Variants in TXLNA observed in about 807,000 individuals in gnomAD.
TXLNA encodes the protein alpha-taxilin.
A neutral mutation model predicts 61.4 loss-of-function variants in TXLNA; 9 were observed. The observed-to-expected ratio is 0.15, with a 90% CI of 0.09 to 0.26. The LOEUF is 0.26. Among genes scored for constraint, TXLNA ranks in the 10% least tolerant of loss-of-function variants. The pLI is 1.00. For synonymous variants in TXLNA, 257 were observed against 267.7 expected, an observed-to-expected ratio of 0.96 and a Z score of 0.39; for missense variants, 565 against 688.8, an observed-to-expected ratio of 0.82 and a Z score of 2.01.
chr1:32,197,835 T>A lies in TXLNA; in HGVS notation c.*2640T>A, dbSNP rs1643057694. 6.6e-6 allele frequency: 1 copy of A among 152,234 alleles called. No homozygotes were observed. The highest frequency in any genetic ancestry group is 2.4e-5 in the African/African-American group (1 of 41,452). 9.4% of individuals were successfully genotyped at this position (152,234 alleles called of 1,614,324 possible). A position where few individuals can be genotyped will look rare whatever the true frequency, so the allele number is the denominator to read the frequency against. On this transcript the variant is annotated 3_prime_UTR_variant, in exon 11 of 11. Coordinates refer to ENST00000373610, the MANE Select transcript of TXLNA (RefSeq NM_175852.4). The surrounding 1 kb of genome is among the most constrained non-coding windows in gnomAD (Gnocchi z 4.6). ...GCACTTTTTTTTTTTATTTGTTGTT[T>A]GTTTTCCATGAGGTTATCGGACCAT...
intron 9 of TXLNA, among the ~76,000 whole-genome samples, chr1:32,193,624 T>C (rs1166941728): frequency 2.6e-5 from 4 of 152,086 alleles, no homozygotes; most frequent in African/African-American, 9.7e-5. Flanking sequence ...CATTGCAGCC[T>C]TTGCCCCCCG....
intron 2 of TXLNA, 132 bp downstream of exon 2, chr1:32,180,646 C>T: frequency 8.3e-7 from 1 of 1,199,578 alleles, no homozygotes; most frequent in Non-Finnish European, 1.1e-6. Flanking sequence ...TGCTGGGGGC[C>T]GCGGTCCCCC....
rs143323276 is a variant in TXLNA, at chr1:32,192,664, A to G, written c.1091A>G (p.Lys364Arg). 8.1e-6 allele frequency: 13 copies of G among 1,614,042 alleles called. No individual in the cohort carries two copies. The highest frequency in any genetic ancestry group is 2.2e-5 in the South Asian group (2 of 91,084). ...GTTCTGTCTTGGAAATAGCTCCTGAAAGAGGCAGTAGAGTCCCAGAGGATG... is the reference window on the plus strand; with the variant it reads ...GTTCTGTCTTGGAAATAGCTCCTGAGAGAGGCAGTAGAGTCCCAGAGGATG... ...RHQREKDFLL[K>R]EAVESQRMCE... Residue 364 changes from lysine (K) to arginine (R), a missense_variant, in exon 8 of 11, where the codon AAA becomes AGA. By Grantham distance (26) the Lys-to-Arg change is conservative. Transcript: ENST00000373610. This position sits in a 1 kb window ranked among gnomAD's most constrained non-coding sequence, Gnocchi z 4.2.
Position 32,192,253 on chromosome 1 carries a change from G to A in TXLNA, c.964-58G>A. ...AAGTGCCCTGGTCTGTGGCTGTGGGGCTACCCTGAGAAAGGGAGCGCCTGA... is the reference window on the plus strand; with the variant it reads ...AAGTGCCCTGGTCTGTGGCTGTGGGACTACCCTGAGAAAGGGAGCGCCTGA... On this transcript the variant is annotated intron_variant, in intron 6 of 10. Coordinates refer to ENST00000373610, the MANE Select transcript of TXLNA (RefSeq NM_175852.4). This position sits in a 1 kb window ranked among gnomAD's most constrained non-coding sequence, Gnocchi z 4.2. The A allele has an allele frequency of 6.2e-7, 1 of 1,600,648 alleles. No individual in the cohort carries two copies. Among genetic ancestry groups the A allele is most frequent in the Non-Finnish European group, 8.5e-7 (1 of 1,171,160 alleles).
In TXLNA at chr1:32,181,535, G is replaced by C; in HGVS notation, c.463G>C (p.Asp155His). Residue 155 changes from aspartate (D) to histidine (H), a missense_variant, in exon 3 of 11, where the codon GAC becomes CAC. Around this residue, in one of 2 missense-constraint regions of TXLNA, gnomAD observed 373 missense variants for 504.0 expected, o/e 0.74. Transcript: ENST00000373610. ...GCAGAGTGACGAGGTCGGAGACCGA[G>C]ACCATCGAAGGCCACAGGAGAAGAA... ...IRQSDEVGDR[D>H]HRRPQEKKKA... 1 of 1,577,070 alleles carries C rather than the reference G, an allele frequency of 6.3e-7. No individual in the cohort carries two copies. The highest frequency in any genetic ancestry group is 1.1e-5 in the South Asian group (1 of 87,024).
chr1:32,184,994 C>T (rs1297313879), intron 4 of TXLNA, among the ~76,000 whole-genome samples: 1 of 152,204 alleles, frequency 6.6e-6, no homozygotes, highest in Non-Finnish European at 1.5e-5. Context: ...GAGCAGTCTT[C>T]TTGTCACTGC....
chr1:32,183,631 T>C (rs1298880641), intron 3 of TXLNA, among the ~76,000 whole-genome samples: 1 of 148,848 alleles, frequency 6.7e-6, no homozygotes, highest in African/African-American at 2.5e-5. Flanking sequence ...GGGGTTTCAC[T>C]GTGTTAGCCA....
chr1:32,194,188 G>A (rs748696278), intron 10 of TXLNA, 28 bp downstream of exon 10: 62 of 1,592,806 alleles, frequency 3.9e-5, no homozygotes, highest in Non-Finnish European at 5.2e-5. Context: ...TGCAGCCAGG[G>A]TGGGGGTGTG....
At chr1:32,189,904 T>G (rs563760545) in intron 5 of TXLNA, 151 bp from the exon 6 acceptor site, 2 of 745,200 alleles carry the variant, frequency 2.7e-6, no homozygotes, top group Admixed American at 2.9e-5. Context: ...GAGGGGCCCA[T>G]TGGAACCCGC....
chr1:32,190,403 TA>T (rs1399584044), intron 6 of TXLNA, among the ~76,000 whole-genome samples, 154 bp downstream of exon 6: 2 of 151,912 alleles, frequency 1.3e-5, no homozygotes, highest in African/African-American at 4.8e-5. Flanking sequence ...TCCTCATAGA[TA>T]AAAAACAGGT....
intron 6 of TXLNA, 148 bp downstream of exon 6, chr1:32,190,397 C>T (rs912396369): frequency 2.1e-5 from 17 of 820,784 alleles, no homozygotes; most frequent in African/African-American, 1.4e-4. Context: ...TGTTATTCCT[C>T]ATAGATAAAA....
rs1642928408 is a variant in TXLNA, at chr1:32,192,460, G to GA, written c.1083+30_1083+31insA. 1 of 1,529,708 alleles carries GA rather than the reference G, an allele frequency of 6.5e-7. No individual in the cohort carries two copies. 94.8% of individuals were successfully genotyped at this position (1,529,708 alleles called of 1,614,324 possible). On this transcript the variant is annotated intron_variant, in intron 7 of 10. Coordinates refer to ENST00000373610, the MANE Select transcript of TXLNA (RefSeq NM_175852.4). The surrounding 1 kb of genome is among the most constrained non-coding windows in gnomAD (Gnocchi z 4.2). ...GGCTCAGGCCCCAGGGTTGGGGTGG[G>GA]GGTGGGAGGAGACAGGCTGGGCTCT...
At position 32,190,154 on chromosome 1, in the gene TXLNA, C is replaced by G; in HGVS notation, c.868C>G (p.Gln290Glu). 1 of 1,599,672 alleles carries G rather than the reference C, an allele frequency of 6.3e-7. No individual in the cohort carries two copies. Among genetic ancestry groups the G allele is most frequent in the African/African-American group, 1.3e-5 (1 of 74,876 alleles). The change falls in exon 6 of 11, where the codon CAG becomes GAG. Residue 290 changes from glutamine to glutamate, a missense_variant. By Grantham distance (29) the Gln-to-Glu change is conservative. This residue lies in a region of TXLNA where 373 missense variants were observed against 504.0 expected (regional missense o/e 0.74). Transcript: ENST00000373610. The stretch of plus-strand genomic sequence containing the variant: ...GAATGACATTCAGCTGCAGATGGAA[C>G]AGCACAATGAGCGCAACTCCAAGCT... ...TLNDIQLQMEQHNERNSKLRQ... is the reference protein window; with the variant it reads ...TLNDIQLQMEEHNERNSKLRQ...
intron 5 of TXLNA, 49 bp downstream of exon 5, chr1:32,188,173 A>G (rs1326259499): frequency 1.3e-6 from 2 of 1,502,680 alleles, no homozygotes; most frequent in South Asian, 1.2e-5. Flanking sequence ...CTTGACTTCC[A>G]CTTAATGTTT....
intron 10 of TXLNA, 81 bp downstream of exon 10, chr1:32,194,241 C>A: frequency 9.0e-7 from 1 of 1,116,544 alleles, no homozygotes; most frequent in Non-Finnish European, 1.3e-6. Flanking sequence ...TTCTACCCAT[C>A]AGTGACACAG....
chr1:32,192,187 A>T lies in TXLNA; in HGVS notation c.964-124A>T. 7.0e-7 allele frequency: 1 copy of T among 1,420,574 alleles called. No homozygotes were observed. The highest frequency in any genetic ancestry group is 9.6e-7 in the Non-Finnish European group (1 of 1,039,648). 88.0% of individuals were successfully genotyped at this position (1,420,574 alleles called of 1,614,324 possible). On this transcript the variant is annotated intron_variant, in intron 6 of 10. Transcript: ENST00000373610. The surrounding 1 kb of genome is among the most constrained non-coding windows in gnomAD (Gnocchi z 4.2). ...TTGGGGCCCATGTTGTGTGGTACAC[A>T]TGGGAGTCCATCATATCAGATTGAG...
intron 4 of TXLNA, among the ~76,000 whole-genome samples, chr1:32,185,340 T>C (rs561265012): frequency 2.6e-5 from 4 of 152,292 alleles, no homozygotes; most frequent in Admixed American, 6.5e-5. Context: ...GATTTATCCA[T>C]TGATGGTCAC....
Position 32,188,059 on chromosome 1 carries a change from G to T in TXLNA, c.703G>T (p.Val235Phe), listed in dbSNP as rs377669786. The T allele has an allele frequency of 6.3e-7, 1 of 1,596,938 alleles. No homozygotes were observed. The part of the protein sequence containing the change: ...DHLRGEHSKA[V>F]LARSKLESLC... ...CCTGCGCGGTGAGCACAGCAAGGCC[G>T]TCCTGGCCCGCAGCAAGCTTGAGAG... is the stretch of plus-strand genomic sequence containing the variant. Residue 235 changes from valine (V) to phenylalanine (F), a missense_variant, in exon 5 of 11, where the codon GTC (valine) becomes TTC (phenylalanine). Physicochemically the swap from Val to Phe is conservative, Grantham distance 50. Coordinates refer to ENST00000373610, the MANE Select transcript of TXLNA (RefSeq NM_175852.4).
In TXLNA at chr1:32,196,300, A is replaced by T. The variant is rs923654521; in HGVS notation, c.*1105A>T. On this transcript the variant is annotated 3_prime_UTR_variant, in exon 11 of 11. Coordinates refer to ENST00000373610, the MANE Select transcript of TXLNA (RefSeq NM_175852.4). Reference sequence around the variant, plus strand: ...GCAGCAGTTGCTGGGTCCCATGTCCAGCTGCCTCTTTGGCTTCATGGGTTT... The same window carrying T: ...GCAGCAGTTGCTGGGTCCCATGTCCTGCTGCCTCTTTGGCTTCATGGGTTT... 1 of 152,526 alleles carries T rather than the reference A, an allele frequency of 6.6e-6. No homozygotes were observed. The highest frequency in any genetic ancestry group is 2.4e-5 in the African/African-American group (1 of 41,446). The allele number at this position is 152,526 out of a possible 1,614,324, so 9.4% of individuals were successfully genotyped here.
Sources: gnomAD v4.1 joint callset for allele counts (sites outside exome capture counted in the v4.1 genomes callset) on GRCh38, gnomAD v4.1.1 for gene constraint, gnomAD v4.1.1 regional missense constraint, Gnocchi (gnomAD v3.1) non-coding constraint, MANE v1.5 for transcripts, NCBI Gene and HGNC (gene_info 2026-07-23, HGNC 2026-07-21) for gene names.